The following CADPS2 variants were observed in gnomAD, a reference collection of about 807,000 sequenced individuals.
The protein encoded by CADPS2 is calcium-dependent secretion activator 2.
A neutral mutation model predicts 172.5 loss-of-function variants in CADPS2; 93 were observed. The ratio of observed to expected loss-of-function variants is 0.54; its 90% CI spans 0.46 to 0.64. The LOEUF is 0.64. CADPS2 is among the 30% of genes least tolerant of loss of function. The pLI, the probability that CADPS2 is intolerant of heterozygous loss-of-function variation, is 0.00. For missense variants in CADPS2, 1,420 were observed against 1,565.9 expected, an observed-to-expected ratio of 0.91 and a Z score of 1.57; for synonymous variants, 546 against 555.2, an observed-to-expected ratio of 0.98 and a Z score of 0.23.
chr7:122,718,484 G>A (rs1342129077), intron 2 of CADPS2, among the ~76,000 whole-genome samples: 3 of 152,062 alleles, frequency 2.0e-5, no homozygotes, highest in Non-Finnish European at 4.4e-5. Context: ...TTACAGGACA[G>A]GAAAAGTTCA....
intron 4 of CADPS2, among the ~76,000 whole-genome samples, chr7:122,624,532 T>C (rs1447154485): frequency 1.3e-5 from 2 of 152,234 alleles, no homozygotes; most frequent in East Asian, 3.8e-4. Context: ...CTCAGCATCA[T>C]GGCATCAAGT....
At chr7:122,581,082 C>A (rs2068744115) in intron 7 of CADPS2, 97 bp downstream of exon 7, 1 of 796,188 alleles carries the variant, frequency 1.3e-6, no homozygotes, top group Non-Finnish European at 2.1e-6. Context: ...AATTTATGAA[C>A]ATAAAGTTCA....
intron 25 of CADPS2, among the ~76,000 whole-genome samples, chr7:122,364,037 C>T (rs2040528040): frequency 6.6e-6 from 1 of 152,122 alleles, no homozygotes; most frequent in Non-Finnish European, 1.5e-5. Flanking sequence ...GGTCTTGATC[C>T]AAAGCCCATG....
chr7:122,320,241 G>A lies in CADPS2; in HGVS notation c.3815C>T (p.Ala1272Val). 1 of 1,613,266 alleles carries A rather than the reference G, an allele frequency of 6.2e-7. No individual in the cohort carries two copies. The highest frequency in any genetic ancestry group is 8.5e-7 in the Non-Finnish European group (1 of 1,179,524). Residue 1272 changes from alanine to valine, a missense_variant, in exon 30 of 30, where the codon GCC (alanine) becomes GTC (valine). By Grantham distance (64) the Ala-to-Val change is moderately conservative (BLOSUM62 0). Coordinates refer to ENST00000449022, the MANE Select transcript of CADPS2 (RefSeq NM_017954.11). ...TCCTCCTTCTGAAACAGAGGCTGTG[G>A]CCTCCTCTACTGTTAAACGTCTGTG... ...TVHRRLTVEE[A>V]TASVSEGGGL...
chr7:122,564,432 C>A (rs896765621), intron 7 of CADPS2, among the ~76,000 whole-genome samples: 5 of 152,070 alleles, frequency 3.3e-5, no homozygotes, highest in Admixed American at 3.3e-4. Flanking sequence ...CCTCAGCCTC[C>A]GGAGTAGCTG....
In CADPS2 at chr7:122,708,461, G is replaced by GATAT. The variant is rs3034549; in HGVS notation, c.453+28490_453+28493dup. Among the ~76,000 whole-genome samples the GATAT allele has an allele frequency of 1.8e-3, 227 of 128,190 alleles. 1 individual carries two copies. The highest frequency in any genetic ancestry group is 4.8e-3 in the African/African-American group (158 of 32,844). The allele number at this position is 128,190 out of a possible 152,430, so 84.1% of individuals were successfully genotyped here. A position where few individuals can be genotyped will look rare whatever the true frequency, so the allele number is the denominator to read the frequency against. On this transcript the variant is annotated intron_variant, in intron 2 of 29. Coordinates refer to ENST00000449022, the MANE Select transcript of CADPS2 (RefSeq NM_017954.11). ...GTGTGTGTATATATATATGTGTGTG[G>GATAT]ATATATATATATATATATATATATA...
chr7:122,320,511 A>G lies in CADPS2; in HGVS notation c.3718-173T>C, dbSNP rs543892331. Among the ~76,000 whole-genome samples the G allele has an allele frequency of 7.2e-5, 11 of 152,242 alleles. No homozygotes were observed. The South Asian group carries it at 1.0e-3, about 14-fold the overall frequency. ...TTCTGGGGAGTAAATGGAATGACAG[A>G]CTCTGGCTATTGCTTCAAACTACAA... On this transcript the variant is annotated intron_variant, in intron 29 of 29. Coordinates refer to ENST00000449022, the MANE Select transcript of CADPS2 (RefSeq NM_017954.11).
intron 3 of CADPS2, among the ~76,000 whole-genome samples, chr7:122,642,620 T>G (rs2077795360): frequency 6.6e-6 from 1 of 151,698 alleles, no homozygotes; most frequent in East Asian, 1.9e-4. Context: ...ATCAAAAACT[T>G]GAATTCATTA....
At chr7:122,864,371 T>G (rs1017706950) in intron 1 of CADPS2, among the ~76,000 whole-genome samples, 1 of 152,012 alleles carries the variant, frequency 6.6e-6, no homozygotes, top group Non-Finnish European at 1.5e-5. Flanking sequence ...TTCCAGCTAC[T>G]TGGGAGGCTG....
intron 9 of CADPS2, among the ~76,000 whole-genome samples, chr7:122,499,969 A>G (rs1363883495): frequency 6.6e-6 from 1 of 152,140 alleles, no homozygotes; most frequent in Non-Finnish European, 1.5e-5. Flanking sequence ...AGGGCATGGG[A>G]AGGTCTGCCT....
intron 7 of CADPS2, among the ~76,000 whole-genome samples, chr7:122,563,236 T>C (rs914654161): frequency 1.3e-5 from 2 of 152,166 alleles, no homozygotes; most frequent in Non-Finnish European, 2.9e-5. Context: ...CTTGATCTAT[T>C]GCCCTCAGCC....
intron 2 of CADPS2, among the ~76,000 whole-genome samples, chr7:122,692,665 C>A (rs1167604056): frequency 6.6e-6 from 1 of 152,240 alleles, no homozygotes; most frequent in African/African-American, 2.4e-5. Context: ...ACTATGCCAA[C>A]TGTCAGGTTC....
Position 122,574,445 on chromosome 7 carries a change from TAAAAA to T in CADPS2, c.1335+6729_1335+6733del, listed in dbSNP as rs869077766. 5.9e-3 allele frequency among the ~76,000 whole-genome samples: 223 copies of T among 37,984 alleles called. 4 individuals are homozygous for T. Among genetic ancestry groups the T allele is most frequent in the Non-Finnish European group, 7.8e-3 (178 of 22,820 alleles). The allele number at this position is 37,984 out of a possible 152,430, so 24.9% of individuals were successfully genotyped here. On this transcript the variant is annotated intron_variant, in intron 7 of 29. Coordinates refer to ENST00000449022, the MANE Select transcript of CADPS2 (RefSeq NM_017954.11). Reference sequence around the variant, plus strand: ...TGGGTGATAGAGTGAGACCCTGTCTTAAAAAAAAAAAAAAAAAAAAAAAGTATATT... The same window carrying T: ...TGGGTGATAGAGTGAGACCCTGTCTTAAAAAAAAAAAAAAAAAAGTATATT...
intron 14 of CADPS2, among the ~76,000 whole-genome samples, chr7:122,454,226 G>C (rs2053483143): frequency 6.6e-6 from 1 of 152,074 alleles, no homozygotes; most frequent in Non-Finnish European, 1.5e-5. Context: ...ATACGTGTCT[G>C]GTATTTTGTA....
At chr7:122,491,967 T>C (rs1419256981) in intron 9 of CADPS2, among the ~76,000 whole-genome samples, 1 of 152,022 alleles carries the variant, frequency 6.6e-6, no homozygotes, top group Non-Finnish European at 1.5e-5. Context: ...GGTCAGGAAA[T>C]CGAGACCATC....
intron 6 of CADPS2, among the ~76,000 whole-genome samples, chr7:122,595,401 G>A (rs2071601647): frequency 6.6e-6 from 1 of 151,912 alleles, no homozygotes; most frequent in Admixed American, 6.6e-5. Context: ...ATGTTCTTTG[G>A]GGCCAGTCAT....
intron 2 of CADPS2, among the ~76,000 whole-genome samples, chr7:122,672,609 A>G (rs2081974295): frequency 6.6e-6 from 1 of 152,202 alleles, no homozygotes; most frequent in Admixed American, 6.5e-5. Flanking sequence ...TAGAGACAGA[A>G]TACTGGGCCT....
chr7:122,624,638 C>T (rs890445755), intron 4 of CADPS2, among the ~76,000 whole-genome samples: 1 of 152,190 alleles, frequency 6.6e-6, no homozygotes, highest in African/African-American at 2.4e-5. Context: ...GTTATCCTTA[C>T]CATATTGGTA....
intron 2 of CADPS2, among the ~76,000 whole-genome samples, chr7:122,733,286 A>C (rs2091858463): frequency 6.6e-6 from 1 of 152,024 alleles, no homozygotes; most frequent in African/African-American, 2.4e-5. Context: ...AGTAAGAATA[A>C]AAACAAGATC....
Sources: allele counts gnomAD v4.1 joint callset (sites outside exome capture counted in the v4.1 genomes callset), GRCh38; gene constraint gnomAD v4.1.1; transcripts MANE v1.5; gene names NCBI Gene and HGNC (gene_info 2026-07-23, HGNC 2026-07-21).